MPP2: variants seen among roughly 807,000 people sequenced by gnomAD.
MPP2 encodes the protein MAGUK p55 scaffold protein 2.
Under a neutral mutation model 58.5 loss-of-function variants are expected in MPP2, and 42 were observed. That is an observed-to-expected ratio of 0.72 (90% CI 0.56 to 0.93). The LOEUF (loss-of-function observed/expected upper bound fraction) is 0.93, where lower values mean the gene tolerates loss of function less well. Among genes scored for constraint, MPP2 ranks in the 40% least tolerant of loss-of-function variants. MPP2 has a pLI of 0.00. For missense variants in MPP2, 632 were observed against 760.4 expected (o/e 0.83, Z 1.99); for synonymous variants, 300 against 307.8 (o/e 0.97, Z 0.26).
chr17:43,891,367 C>T (rs111602556), intron 3 of MPP2, among the ~76,000 whole-genome samples: 3,297 of 151,562 alleles, frequency 0.022, 82 homozygotes, highest in African/African-American at 0.065. Context: ...TAAAAATACA[C>T]AAATTAGCCG....
intron 3 of MPP2, among the ~76,000 whole-genome samples, chr17:43,892,255 T>A (rs1205945164): frequency 6.6e-6 from 1 of 152,132 alleles, no homozygotes; most frequent in African/African-American, 2.4e-5. Context: ...CTCCACAGCG[T>A]AAGGGAGGGA....
At chr17:43,890,372 A>G (rs1280507894) in intron 3 of MPP2, among the ~76,000 whole-genome samples, 1 of 152,222 alleles carries the variant, frequency 6.6e-6, no homozygotes, top group African/African-American at 2.4e-5. Flanking sequence ...GCTCAAGCTC[A>G]TGGTAGACCA....
Position 43,877,279 on chromosome 17 carries a change from G to C in MPP2, c.*528C>G, listed in dbSNP as rs962958999. 6.5e-6 allele frequency: 1 copy of C among 153,228 alleles called. No individual in the cohort carries two copies. Among genetic ancestry groups the C allele is most frequent in the African/African-American group, 2.4e-5 (1 of 41,460 alleles). 9.5% of individuals were successfully genotyped at this position (153,228 alleles called of 1,614,324 possible). ...CAGCCTTCAAGATGGCACCAGGCTG[G>C]CACCACCACCCGGGCCTGCCTGGCT... is the stretch of plus-strand genomic sequence containing the variant. On this transcript the variant is annotated 3_prime_UTR_variant, in exon 13 of 13. Transcript: ENST00000269095.
chr17:43,907,811 G>A, upstream of MPP2: 3 of 985,474 alleles, frequency 3.0e-6, no homozygotes, highest in Non-Finnish European at 3.6e-6. Context: ...ATCCCTTAAA[G>A]GGGCGATGGT....
Position 43,877,680 on chromosome 17 carries a change from G to T in MPP2, c.*127C>A. The T allele has an allele frequency of 1.2e-6, 1 of 812,234 alleles. No homozygotes were observed. Among genetic ancestry groups the T allele is most frequent in the Non-Finnish European group, 2.0e-6 (1 of 492,936 alleles). The allele number at this position is 812,234 out of a possible 1,614,324, so 50.3% of individuals were successfully genotyped here. ...TGAAGCCAGACTTAGGGCCTGCTGG[G>T]AGCTGTTACCCAAGGACAGCCAGAT... On this transcript the variant is annotated 3_prime_UTR_variant, in exon 13 of 13. Transcript: ENST00000269095.
Position 43,877,674 on chromosome 17 carries a change from T to C in MPP2, c.*133A>G. Reference sequence around the variant, plus strand: ...CTGTGCTGAAGCCAGACTTAGGGCCTGCTGGGAGCTGTTACCCAAGGACAG... The same window carrying C: ...CTGTGCTGAAGCCAGACTTAGGGCCCGCTGGGAGCTGTTACCCAAGGACAG... On this transcript the variant is annotated 3_prime_UTR_variant, in exon 13 of 13. Coordinates refer to ENST00000269095, the MANE Select transcript of MPP2 (RefSeq NM_005374.5). 1 of 783,286 alleles carries C rather than the reference T, an allele frequency of 1.3e-6. No homozygotes were observed. Among genetic ancestry groups the C allele is most frequent in the Non-Finnish European group, 2.1e-6 (1 of 469,204 alleles). 48.5% of individuals were successfully genotyped at this position (783,286 alleles called of 1,614,324 possible).
chr17:43,885,300 A>C (rs888655956), intron 3 of MPP2, among the ~76,000 whole-genome samples: 2 of 152,042 alleles, frequency 1.3e-5, no homozygotes, highest in African/African-American at 4.8e-5. Flanking sequence ...TGGGAGCCCC[A>C]TTCACACCTC....
At chr17:43,886,980 A>G (rs2047395370) in intron 3 of MPP2, among the ~76,000 whole-genome samples, 2 of 150,652 alleles carry the variant, frequency 1.3e-5, no homozygotes, top group South Asian at 4.2e-4. Flanking sequence ...GCCCTTTGTG[A>G]TATTTCTTGT....
At chr17:43,900,650 G>A in intron 2 of MPP2, 2 of 1,433,058 alleles carry the variant, frequency 1.4e-6, no homozygotes, top group Non-Finnish European at 1.8e-6. Flanking sequence ...GGCGGGAGTC[G>A]AGGAGCGCCC....
At chr17:43,909,518 A>C (rs539720420), upstream of MPP2, 56 of 1,292,150 alleles carry the variant, frequency 4.3e-5, no homozygotes, top group Non-Finnish European at 4.7e-5. Context: ...GATATTAATT[A>C]CTTCTTAATC....
At chr17:43,900,671 C>T in intron 2 of MPP2, 4 of 1,415,028 alleles carry the variant, frequency 2.8e-6, no homozygotes, top group Non-Finnish European at 3.7e-6. Flanking sequence ...TCTGAGGAAC[C>T]AGCCAATGGG....
intron 3 of MPP2, among the ~76,000 whole-genome samples, chr17:43,884,307 C>A (rs1406851306): frequency 6.6e-6 from 1 of 152,184 alleles, no homozygotes; most frequent in African/African-American, 2.4e-5. Flanking sequence ...GTTGACATAT[C>A]TTTTTATTCT....
At chr17:43,900,298 T>C (rs2048032939) in intron 2 of MPP2, among the ~76,000 whole-genome samples, 1 of 152,078 alleles carries the variant, frequency 6.6e-6, no homozygotes, top group Non-Finnish European at 1.5e-5. Flanking sequence ...CCCTCCGTTA[T>C]CTAGGGGAGG....
chr17:43,905,084 G>GT (rs1331957059), intron 1 of MPP2, among the ~76,000 whole-genome samples: 4 of 120,266 alleles, frequency 3.3e-5, no homozygotes, highest in Non-Finnish European at 6.8e-5. Context: ...GGCTGAGGCA[G>GT]GGGGATCTCT....
Position 43,898,262 on chromosome 17 carries a change from C to T in MPP2, c.150G>A (p.Lys50=), listed in dbSNP as rs929352171. Residue 50 remains lysine (K), a splice_region_variant and synonymous_variant, in exon 3 of 13, where the codon AAG becomes AAA. Coordinates refer to ENST00000269095, the MANE Select transcript of MPP2 (RefSeq NM_005374.5). The stretch of plus-strand genomic sequence containing the variant: ...TGCCCACCTCCCTGGAGCACTGTAC[C>T]TTGGCCAGGGATCTTACTATGGGAC... The part of the protein sequence containing the change: ...MESPIVRSLA[K]AHERLEETKL... The T allele has an allele frequency of 1.2e-6, 2 of 1,612,636 alleles. No individual in the cohort carries two copies. Among genetic ancestry groups the T allele is most frequent in the East Asian group, 4.5e-5 (2 of 44,870 alleles).
intron 2 of MPP2, among the ~76,000 whole-genome samples, chr17:43,900,141 T>C (rs548444666): frequency 6.6e-6 from 1 of 152,056 alleles, no homozygotes; most frequent in South Asian, 2.1e-4. Flanking sequence ...CCCTGCCTTC[T>C]CCAGAAAAAA....
In MPP2 at chr17:43,878,094, T is replaced by A. The variant is rs918739600; in HGVS notation, c.1483-111A>T. On this transcript the variant is annotated intron_variant, in intron 12 of 12. Coordinates refer to ENST00000269095, the MANE Select transcript of MPP2 (RefSeq NM_005374.5). ...CCCTCCCCAAAGCCCAACCCTGGTG[T>A]GGACTCCCTGGCTAGGGAGGCAGGG... 10 of 1,207,894 alleles carry A rather than the reference T, an allele frequency of 8.3e-6. No individual in the cohort carries two copies. In the African/African-American group the frequency reaches 1.2e-4, roughly 15 times the overall value. 74.8% of individuals were successfully genotyped at this position (1,207,894 alleles called of 1,614,324 possible). A position where few individuals can be genotyped will look rare whatever the true frequency, so the allele number is the denominator to read the frequency against.
intron 3 of MPP2, chr17:43,884,212 A>G: frequency 1.5e-6 from 1 of 680,266 alleles, no homozygotes; most frequent in South Asian, 1.6e-5. Context: ...TCCACATTCA[A>G]ATGTTCACTC....
At chr17:43,892,341 CA>C (rs1455056379) in intron 3 of MPP2, among the ~76,000 whole-genome samples, 1 of 152,222 alleles carries the variant, frequency 6.6e-6, no homozygotes, top group African/African-American at 2.4e-5. Flanking sequence ...GAAGTTTTTG[CA>C]GCTGGATCTT....
Sources: gnomAD v4.1 joint callset for allele counts (sites outside exome capture counted in the v4.1 genomes callset) on GRCh38, gnomAD v4.1.1 for gene constraint, MANE v1.5 for transcripts, NCBI Gene and HGNC (gene_info 2026-07-23, HGNC 2026-07-21) for gene names.